Variants in BAZ1A observed in about 807,000 individuals in gnomAD.
BAZ1A encodes bromodomain adjacent to zinc finger domain 1A, also known as bromodomain adjacent to zinc finger domain protein 1A.
A neutral mutation model predicts 185.2 loss-of-function variants in BAZ1A; 50 were observed. The observed-to-expected ratio is 0.27, with a 90% CI of 0.22 to 0.34. The LOEUF is 0.34. Among genes scored for constraint, BAZ1A ranks in the 10% least tolerant of loss-of-function variants. The pLI is 1.00. For missense variants in BAZ1A, 1,356 were observed against 1,839.9 expected (o/e 0.74, Z 4.81); for synonymous variants, 571 against 615.6 (o/e 0.93, Z 1.07).
chr14:34,788,046 T>C lies in BAZ1A; in HGVS notation c.1511-1825A>G, dbSNP rs530562681. Among the ~76,000 whole-genome samples the C allele has an allele frequency of 7.3e-5, 11 of 150,200 alleles. No homozygotes were observed. The East Asian group carries it at 1.8e-3, about 24-fold the overall frequency. On this transcript the variant is annotated intron_variant, in intron 12 of 26. Coordinates refer to ENST00000360310, the MANE Select transcript of BAZ1A (RefSeq NM_013448.3). ...TTGTTTTTTTTTTTTGAAGATGGAGTCTCACTCTGTCACCCAGGCTGGAGT... is the reference window on the plus strand; with the variant it reads ...TTGTTTTTTTTTTTTGAAGATGGAGCCTCACTCTGTCACCCAGGCTGGAGT...
At chr14:34,771,314 G>T in intron 21 of BAZ1A, 197 bp downstream of exon 21, 1 of 555,756 alleles carries the variant, frequency 1.8e-6, no homozygotes, top group Non-Finnish European at 3.0e-6. Flanking sequence ...TCTTTCTTTT[G>T]ATGAAACTCT....
intron 3 of BAZ1A, among the ~76,000 whole-genome samples, chr14:34,837,812 GAC>G (rs1395870534): frequency 6.6e-6 from 1 of 152,190 alleles, no homozygotes; most frequent in East Asian, 1.9e-4. Context: ...CCAGCCTATT[GAC>G]ACAAACATGT....
chr14:34,797,034 CA>C lies in BAZ1A; in HGVS notation c.1129-1270del, dbSNP rs35654778. ...TACAAATTTATCCTGGGACATAGTC[CA>C]AAAAAAAAGACTTTATTCAGAAATT... On this transcript the variant is annotated intron_variant, in intron 9 of 26. Coordinates refer to ENST00000360310, the MANE Select transcript of BAZ1A (RefSeq NM_013448.3). Among the ~76,000 whole-genome samples, 55 of 148,094 alleles carry C rather than the reference CA, an allele frequency of 3.7e-4. No homozygotes were observed. The East Asian group carries it at 0.011, about 29-fold the overall frequency.
chr14:34,855,302 C>T (rs1323227823), intron 3 of BAZ1A, among the ~76,000 whole-genome samples: 1 of 152,078 alleles, frequency 6.6e-6, no homozygotes, highest in East Asian at 1.9e-4. Context: ...CTGTTCAAAC[C>T]GTGTTCAAAT....
At chr14:34,767,732 C>A (rs1416350827) in intron 21 of BAZ1A, among the ~76,000 whole-genome samples, 1 of 152,080 alleles carries the variant, frequency 6.6e-6, no homozygotes, top group African/African-American at 2.4e-5. Flanking sequence ...AGATCATGAT[C>A]CTTCTGGGTA....
At chr14:34,801,294 ATTTT>A (rs910649829) in intron 7 of BAZ1A, 101 bp from the exon 8 acceptor site, 5 of 811,374 alleles carry the variant, frequency 6.2e-6, no homozygotes, top group African/African-American at 5.4e-5. Flanking sequence ...TACTAAAATG[ATTTT>A]TTTATTTTTT....
At chr14:34,816,263 AT>A (rs1486722034) in intron 4 of BAZ1A, among the ~76,000 whole-genome samples, 1 of 151,430 alleles carries the variant, frequency 6.6e-6, no homozygotes, top group Non-Finnish European at 1.5e-5. Context: ...AATTTTTTGT[AT>A]TTTTAGTAGA....
chr14:34,820,447 T>C (rs2042072893), intron 4 of BAZ1A, among the ~76,000 whole-genome samples: 1 of 152,218 alleles, frequency 6.6e-6, no homozygotes, highest in South Asian at 2.1e-4. Flanking sequence ...TGTCTTAATA[T>C]TGAGATTTAA....
chr14:34,844,205 CAAAAAAAAA>C (rs71121227), intron 3 of BAZ1A, among the ~76,000 whole-genome samples: 2 of 109,818 alleles, frequency 1.8e-5, no homozygotes, highest in Admixed American at 9.1e-5. Context: ...GACTCCGTCT[CAAAAAAAAA>C]AAAAAAAAAA....
chr14:34,770,759 A>G (rs7158753), intron 21 of BAZ1A, among the ~76,000 whole-genome samples: 18,134 of 152,154 alleles, frequency 0.12, 1,798 homozygotes, highest in East Asian at 0.47. Context: ...CAGATAGTAT[A>G]TTATTCCTCA....
chr14:34,807,865 C>T (rs538279179), intron 5 of BAZ1A, among the ~76,000 whole-genome samples: 4 of 150,522 alleles, frequency 2.7e-5, no homozygotes, highest in Non-Finnish European at 5.9e-5. Flanking sequence ...CAGCACTTTG[C>T]GAGGCCGAGG....
At chr14:34,809,196 C>T (rs1026310991) in intron 5 of BAZ1A, among the ~76,000 whole-genome samples, 3 of 152,096 alleles carry the variant, frequency 2.0e-5, no homozygotes, top group African/African-American at 7.2e-5. Flanking sequence ...AGATTTCCCT[C>T]CCACACAGAT....
At chr14:34,765,310 C>G in intron 21 of BAZ1A, 42 bp from the exon 22 acceptor site, 1 of 1,594,890 alleles carries the variant, frequency 6.3e-7, no homozygotes, top group Non-Finnish European at 8.5e-7. Context: ...TTTAGGCAAA[C>G]CTAGTAATCT....
chr14:34,787,145 G>A (rs934581400), intron 12 of BAZ1A, among the ~76,000 whole-genome samples: 26 of 147,888 alleles, frequency 1.8e-4, no homozygotes, highest in African/African-American at 6.5e-4. Flanking sequence ...ACGAGGTCAA[G>A]AGATTGAGAA....
chr14:34,796,368 C>T (rs909017708), intron 9 of BAZ1A, among the ~76,000 whole-genome samples: 6 of 152,128 alleles, frequency 3.9e-5, no homozygotes, highest in Non-Finnish European at 1.5e-5. Flanking sequence ...TGATCTATAG[C>T]TTTCCCTCTA....
intron 3 of BAZ1A, among the ~76,000 whole-genome samples, chr14:34,850,849 A>C (rs1014689940): frequency 7.9e-5 from 12 of 152,134 alleles, no homozygotes; most frequent in African/African-American, 2.9e-4. Flanking sequence ...GAAGATATCT[A>C]CGTTTTGACA....
chr14:34,809,179 C>T (rs933673524), intron 5 of BAZ1A, among the ~76,000 whole-genome samples: 1 of 152,096 alleles, frequency 6.6e-6, no homozygotes, highest in African/African-American at 2.4e-5. Flanking sequence ...GAAACTTGAA[C>T]ATTCAAAGAT....
intron 3 of BAZ1A, among the ~76,000 whole-genome samples, chr14:34,843,253 A>T (rs1274873061): frequency 1.3e-5 from 2 of 152,158 alleles, no homozygotes; most frequent in East Asian, 1.9e-4. Flanking sequence ...ACTGAACTGA[A>T]TCACACCTTT....
Position 34,794,732 on chromosome 14 carries a change from A to G in BAZ1A, c.1363+17T>C. ...AGGATGAACTATAATGTAGCAATAGATAACTAAAGCACTTGCCTAGGGTTA... is the reference window on the plus strand; with the variant it reads ...AGGATGAACTATAATGTAGCAATAGGTAACTAAAGCACTTGCCTAGGGTTA... On this transcript the variant is annotated intron_variant, in intron 11 of 26. Transcript: ENST00000360310. The G allele has an allele frequency of 3.7e-6, 6 of 1,601,496 alleles. No homozygotes were observed. The highest frequency in any genetic ancestry group is 5.1e-6 in the Non-Finnish European group (6 of 1,176,052).
Sources: allele counts gnomAD v4.1 joint callset (sites outside exome capture counted in the v4.1 genomes callset), GRCh38; gene constraint gnomAD v4.1.1; transcripts MANE v1.5; gene names NCBI Gene and HGNC (gene_info 2026-07-23, HGNC 2026-07-21).